Variants in UNC5D observed in about 807,000 individuals in gnomAD.
UNC5D encodes the protein netrin receptor UNC5D.
UNC5D carries 39 observed loss-of-function variants against 105.4 expected under a neutral mutation model. The ratio of observed to expected loss-of-function variants is 0.37; its 90% CI spans 0.29 to 0.48. The LOEUF (loss-of-function observed/expected upper bound fraction) is 0.48, where lower values mean the gene tolerates loss of function less well. Among genes scored for constraint, UNC5D ranks in the 20% least tolerant of loss-of-function variants. The probability of loss-of-function intolerance (pLI) is 0.98; values close to 1 mark genes in which losing one functional copy is unlikely to be tolerated. For synonymous variants in UNC5D, 452 were observed against 450.4 expected, an observed-to-expected ratio of 1.00 and a Z score of -0.04; for missense variants, 991 against 1,202.4, an observed-to-expected ratio of 0.82 and a Z score of 2.60.
At chr8:35,525,774 C>T (rs1813830562) in intron 1 of UNC5D, 3 of 1,525,330 alleles carry the variant, frequency 2.0e-6, no homozygotes, top group Admixed American at 4.4e-5. Flanking sequence ...CTTGGGAGTG[C>T]CGTAATGTGC....
rs972656187 is a variant in UNC5D, at chr8:35,268,896, G to A, written c.103+33009G>A. Among the ~76,000 whole-genome samples the A allele has an allele frequency of 2.6e-5, 4 of 152,096 alleles. No individual in the cohort carries two copies. The East Asian group carries it at 5.8e-4, about 22-fold the overall frequency. On this transcript the variant is annotated intron_variant, in intron 1 of 16. Coordinates refer to ENST00000404895, the MANE Select transcript of UNC5D (RefSeq NM_080872.4). ...TTTCTAAATAAATCTACATTTATTG[G>A]GGATCCAATAAAAATTATAACTGAA...
chr8:35,578,473 C>T (rs1818255060), intron 3 of UNC5D, among the ~76,000 whole-genome samples: 1 of 152,142 alleles, frequency 6.6e-6, no homozygotes, highest in Admixed American at 6.5e-5. Context: ...AGACATGGCA[C>T]ATGTTTCTGA....
intron 1 of UNC5D, among the ~76,000 whole-genome samples, chr8:35,237,402 A>T (rs905965737): frequency 6.6e-6 from 1 of 151,996 alleles, no homozygotes; most frequent in Admixed American, 6.6e-5. Flanking sequence ...CTTATGGGAA[A>T]AGTGGGTCTT....
chr8:35,356,355 C>T (rs894100896), intron 1 of UNC5D, among the ~76,000 whole-genome samples: 4 of 152,142 alleles, frequency 2.6e-5, no homozygotes, highest in Non-Finnish European at 4.4e-5. Flanking sequence ...TTTGGGGATA[C>T]ATTCTACAAT....
At chr8:35,305,590 T>G (rs1554505734) in intron 1 of UNC5D, among the ~76,000 whole-genome samples, 5 of 59,110 alleles carry the variant, frequency 8.5e-5, no homozygotes, top group African/African-American at 3.7e-4. Context: ...TCTTTCTTTC[T>G]TTCTTTCTTT....
chr8:35,398,783 A>G (rs1378162824), intron 1 of UNC5D, among the ~76,000 whole-genome samples: 4 of 152,202 alleles, frequency 2.6e-5, no homozygotes, highest in African/African-American at 4.8e-5. Flanking sequence ...GACACATTTT[A>G]AATAAAATGG....
At chr8:35,708,611 G>A (rs1434987832) in intron 8 of UNC5D, among the ~76,000 whole-genome samples, 1 of 152,186 alleles carries the variant, frequency 6.6e-6, no homozygotes, top group African/African-American at 2.4e-5. Flanking sequence ...ACTCCTTGGA[G>A]GCTTGGAGAA....
intron 4 of UNC5D, 114 bp from the exon 5 acceptor site, chr8:35,683,433 T>A: frequency 9.5e-7 from 1 of 1,049,452 alleles, no homozygotes; most frequent in South Asian, 1.9e-5. Context: ...ATCATTGCTG[T>A]TGCTCTATAT....
intron 1 of UNC5D, among the ~76,000 whole-genome samples, chr8:35,278,216 G>A (rs1805901951): frequency 1.3e-5 from 2 of 152,112 alleles, no homozygotes; most frequent in South Asian, 4.1e-4. Context: ...CAGATGCACT[G>A]GGAAAGTCAC....
intron 1 of UNC5D, among the ~76,000 whole-genome samples, chr8:35,539,960 C>T (rs908755792): frequency 3.9e-5 from 6 of 152,088 alleles, no homozygotes; most frequent in Non-Finnish European, 7.4e-5. Context: ...GGTAATTTTC[C>T]AAGAGTGAAA....
chr8:35,394,206 T>A (rs1803960685), intron 1 of UNC5D, among the ~76,000 whole-genome samples: 1 of 152,180 alleles, frequency 6.6e-6, no homozygotes, highest in African/African-American at 2.4e-5. Flanking sequence ...CTTTATGTGA[T>A]GAAAAATTAG....
intron 1 of UNC5D, among the ~76,000 whole-genome samples, chr8:35,349,482 C>A (rs1812052462): frequency 6.6e-6 from 1 of 151,926 alleles, no homozygotes; most frequent in South Asian, 2.1e-4. Context: ...TATTAGAAAG[C>A]TATAAAGTTC....
chr8:35,514,513 A>G (rs1205311485), intron 1 of UNC5D, among the ~76,000 whole-genome samples: 1 of 152,248 alleles, frequency 6.6e-6, no homozygotes, highest in Non-Finnish European at 1.5e-5. Flanking sequence ...ATCAAAGCAG[A>G]TAATCTCGCA....
At chr8:35,442,863 C>T (rs895439540) in intron 1 of UNC5D, among the ~76,000 whole-genome samples, 1 of 146,126 alleles carries the variant, frequency 6.8e-6, no homozygotes, top group African/African-American at 2.6e-5. Flanking sequence ...CACCATCTCT[C>T]TCTCTCTCTC....
At chr8:35,573,121 G>T (rs1817859583) in intron 3 of UNC5D, among the ~76,000 whole-genome samples, 1 of 152,230 alleles carries the variant, frequency 6.6e-6, no homozygotes, top group African/African-American at 2.4e-5. Context: ...TATTTCTGAT[G>T]AACTCCCTGG....
intron 3 of UNC5D, among the ~76,000 whole-genome samples, chr8:35,586,261 G>A (rs1446837822): frequency 5.9e-5 from 9 of 152,276 alleles, no homozygotes; most frequent in East Asian, 1.9e-4. Context: ...GTGACAAAGT[G>A]AGACTCAAGA....
intron 1 of UNC5D, among the ~76,000 whole-genome samples, chr8:35,482,793 CTTTTTTTTTTTTTTT>C (rs5890816): frequency 1.3e-5 from 1 of 78,134 alleles, no homozygotes; most frequent in Non-Finnish European, 2.3e-5. Context: ...TTAAAGAGAT[CTTTTTTTTTTTTTTT>C]TTTTTTTTTT....
intron 1 of UNC5D, among the ~76,000 whole-genome samples, chr8:35,294,037 G>A (rs1010104699): frequency 3.3e-5 from 5 of 152,246 alleles, no homozygotes; most frequent in East Asian, 1.9e-4. Context: ...TCCTGACTTC[G>A]GGGATAAAGC....
At chr8:35,521,682 T>A (rs1382135313) in intron 1 of UNC5D, among the ~76,000 whole-genome samples, 1 of 152,210 alleles carries the variant, frequency 6.6e-6, no homozygotes, top group Admixed American at 6.5e-5. Context: ...GATGGATTGT[T>A]TGGTGGGAAT....
Sources: gnomAD v4.1 joint callset for allele counts (sites outside exome capture counted in the v4.1 genomes callset) on GRCh38, gnomAD v4.1.1 for gene constraint, MANE v1.5 for transcripts, NCBI Gene and HGNC (gene_info 2026-07-23, HGNC 2026-07-21) for gene names.